LGALS1: variants seen among roughly 807,000 people sequenced by gnomAD.
The protein encoded by LGALS1 is galectin 1.
LGALS1 carries 14 observed loss-of-function variants against 14.4 expected under a neutral mutation model. The ratio of observed to expected loss-of-function variants is 0.97; its 90% confidence interval spans 0.64 to 1.52. LGALS1 has a LOEUF of 1.52. Ranked by LOEUF, LGALS1 falls within the 40% of genes most tolerant of loss-of-function variation. The probability of loss-of-function intolerance (pLI) is 0.00; values close to 1 mark genes in which losing one functional copy is unlikely to be tolerated. For missense variants in LGALS1, 170 were observed against 181.4 expected, an observed-to-expected ratio of 0.94 and a Z score of 0.36; for synonymous variants, 71 against 73.4, an observed-to-expected ratio of 0.97 and a Z score of 0.17.
rs1405149188 is a variant in LGALS1, at chr22:37,675,646, G to T, written c.-57G>T. On this transcript the variant is annotated 5_prime_UTR_variant, in exon 1 of 4. Coordinates refer to ENST00000215909, the MANE Select transcript of LGALS1 (RefSeq NM_002305.4). The stretch of plus-strand genomic sequence containing the variant: ...AGCGTCCGGGGGCCCATCTCTCTCG[G>T]GTGGAGTCTTCTGACAGCTGGTGCG... 6 of 1,544,926 alleles carry T rather than the reference G, an allele frequency of 3.9e-6. No individual in the cohort carries two copies. The highest frequency in any genetic ancestry group is 4.4e-6 in the Non-Finnish European group (5 of 1,144,086).
chr22:37,678,678 G>T, intron 3 of LGALS1, 24 bp downstream of exon 3: 2 of 480,392 alleles, frequency 4.2e-6, no homozygotes, highest in African/African-American at 2.1e-5. Flanking sequence ...CGGAACCGGG[G>T]ACCAGGGACA....
At chr22:37,677,363 G>T (rs1233619264) in intron 2 of LGALS1, 1 of 387,334 alleles carries the variant, frequency 2.6e-6, no homozygotes, top group Non-Finnish European at 4.8e-6. Context: ...GGGACCTGTC[G>T]CTGGGGAGGG....
chr22:37,679,744 G>T lies in LGALS1; in HGVS notation c.403G>T (p.Asp135Tyr). 1 of 1,592,038 alleles carries T rather than the reference G, an allele frequency of 6.3e-7. No individual in the cohort carries two copies. The highest frequency in any genetic ancestry group is 1.1e-5 in the South Asian group (1 of 88,118). ...CTTCAAGATCAAATGTGTGGCCTTTGACTGAAATCAGCCAGCCCATGGCCC... is the reference window on the plus strand; with the variant it reads ...CTTCAAGATCAAATGTGTGGCCTTTTACTGAAATCAGCCAGCCCATGGCCC... The part of the protein sequence containing the change: ...GDFKIKCVAF[D>Y] Residue 135 changes from aspartate (D) to tyrosine (Y), a missense_variant, in exon 4 of 4, where the codon GAC (aspartate) becomes TAC (tyrosine). Physicochemically the swap from Asp to Tyr is radical, Grantham distance 160 (BLOSUM62 -3). Coordinates refer to ENST00000215909, the MANE Select transcript of LGALS1 (RefSeq NM_002305.4).
chr22:37,676,827 T>C (rs1921443643), intron 1 of LGALS1, 159 bp from the exon 2 acceptor site: 1 of 759,964 alleles, frequency 1.3e-6, no homozygotes. Flanking sequence ...AATCGGAGGC[T>C]GGAAATTACA....
At position 37,676,739 on chromosome 22, in the gene LGALS1, C is replaced by T. The variant is rs558922578; in HGVS notation, c.10-247C>T. 6.8e-5 allele frequency: 39 copies of T among 569,480 alleles called. No individual in the cohort carries two copies. The East Asian group carries it at 1.2e-3, about 17-fold the overall frequency. 35.3% of individuals were successfully genotyped at this position (569,480 alleles called of 1,614,324 possible). ...AGCCAATCTGCAAAATCTTCTAGAGCCTGTCTTCTAGAACCTTCACGTTAC... is the reference window on the plus strand; with the variant it reads ...AGCCAATCTGCAAAATCTTCTAGAGTCTGTCTTCTAGAACCTTCACGTTAC... On this transcript the variant is annotated intron_variant, in intron 1 of 3. Transcript: ENST00000215909.
intron 1 of LGALS1, among the ~76,000 whole-genome samples, chr22:37,675,919 T>C (rs957930423): frequency 1.3e-5 from 2 of 152,224 alleles, no homozygotes; most frequent in Non-Finnish European, 2.9e-5. Context: ...GATAATTGTC[T>C]GGATTCCTCC....
intron 2 of LGALS1, 112 bp from the exon 3 acceptor site, chr22:37,678,371 G>A (rs1430439414): frequency 7.6e-6 from 9 of 1,182,904 alleles, no homozygotes; most frequent in Middle Eastern, 1.9e-4. Flanking sequence ...TCTTGTCTCT[G>A]TTAGTGAGTT....
At chr22:37,676,778 C>G in intron 1 of LGALS1, 1 of 646,228 alleles carries the variant, frequency 1.5e-6, no homozygotes, top group Non-Finnish European at 2.9e-6. Flanking sequence ...CTGAAGCCAA[C>G]CCCGGTGGGA....
chr22:37,675,661 C>T lies in LGALS1; in HGVS notation c.-42C>T, dbSNP rs374232144. On this transcript the variant is annotated 5_prime_UTR_variant, in exon 1 of 4. Transcript: ENST00000215909. Reference sequence around the variant, plus strand: ...ATCTCTCTCGGGTGGAGTCTTCTGACAGCTGGTGCGCCTGCCCGGGAACAT... The same window carrying T: ...ATCTCTCTCGGGTGGAGTCTTCTGATAGCTGGTGCGCCTGCCCGGGAACAT... The T allele has an allele frequency of 1.3e-6, 2 of 1,548,136 alleles. No individual in the cohort carries two copies. Among genetic ancestry groups the T allele is most frequent in the South Asian group, 2.4e-5 (2 of 83,702 alleles).
intron 1 of LGALS1, 104 bp downstream of exon 1, chr22:37,675,815 G>A (rs1921404672): frequency 9.1e-7 from 1 of 1,093,082 alleles, no homozygotes; most frequent in South Asian, 1.9e-5. Flanking sequence ...CAGCTGTGTG[G>A]CCTGGAACCA....
rs1347713885 is a variant in LGALS1 at position 37,677,871 on chromosome 22, G to A, written c.90-612G>A. ...GTGATCTCGGCTCACCACAACCTCC[G>A]CCTCCCGGGTTCAAACGATTCTCCG... On this transcript the variant is annotated intron_variant, in intron 2 of 3. Transcript: ENST00000215909. 5.3e-5 allele frequency among the ~76,000 whole-genome samples: 8 copies of A among 151,976 alleles called. No homozygotes were observed. In the South Asian group the frequency reaches 8.3e-4, roughly 16 times the overall value.
chr22:37,678,702 C>G (rs761681338), intron 3 of LGALS1, 48 bp downstream of exon 3: 17 of 241,510 alleles, frequency 7.0e-5, no homozygotes, highest in South Asian at 1.5e-4. Context: ...GCTGGGTGGG[C>G]TGGGGCGGGG....
chr22:37,678,302 G>T (rs759853745), intron 2 of LGALS1, 181 bp from the exon 3 acceptor site: 1 of 731,944 alleles, frequency 1.4e-6, no homozygotes, highest in Non-Finnish European at 2.5e-6. Flanking sequence ...TTGTACAGAT[G>T]AGCAAACAGG....
chr22:37,678,415 G>T, intron 2 of LGALS1, 68 bp from the exon 3 acceptor site: 2 of 1,554,788 alleles, frequency 1.3e-6, no homozygotes, highest in South Asian at 2.3e-5. Context: ...GATACTGAGT[G>T]ACAGATTAGT....
In LGALS1 at chr22:37,675,661, C is replaced by G. The variant is rs374232144; in HGVS notation, c.-42C>G. Reference sequence around the variant, plus strand: ...ATCTCTCTCGGGTGGAGTCTTCTGACAGCTGGTGCGCCTGCCCGGGAACAT... The same window carrying G: ...ATCTCTCTCGGGTGGAGTCTTCTGAGAGCTGGTGCGCCTGCCCGGGAACAT... On this transcript the variant is annotated 5_prime_UTR_variant, in exon 1 of 4. Transcript: ENST00000215909. The G allele has an allele frequency of 9.0e-6, 14 of 1,548,016 alleles. No homozygotes were observed. In the African/African-American group the frequency reaches 1.8e-4, roughly 20 times the overall value.
intron 3 of LGALS1, 43 bp downstream of exon 3, chr22:37,678,697 GT>G: frequency 6.9e-7 from 1 of 1,455,024 alleles, no homozygotes; most frequent in Non-Finnish European, 9.3e-7. Context: ...CAGGGGCTGG[GT>G]GGGCTGGGGC....
rs1921456149 is a variant in LGALS1, at chr22:37,677,084, G to A, written c.89+19G>A. ...CTAAGAGGTGAGAAGTGAAGTCGGG[G>A]TGGTGGGCGGCAGGGACGGGCTTGG... is the stretch of plus-strand genomic sequence containing the variant. On this transcript the variant is annotated intron_variant, in intron 2 of 3. Coordinates refer to ENST00000215909, the MANE Select transcript of LGALS1 (RefSeq NM_002305.4). 6.2e-7 allele frequency: 1 copy of A among 1,612,658 alleles called. No homozygotes were observed. The highest frequency in any genetic ancestry group is 1.3e-5 in the African/African-American group (1 of 75,024).
intron 1 of LGALS1, 22 bp downstream of exon 1, chr22:37,675,733 C>CT (rs1403269364): frequency 6.5e-7 from 1 of 1,537,438 alleles, no homozygotes; most frequent in Non-Finnish European, 8.8e-7. Flanking sequence ...GACCCCCCCC[C>CT]AAGGTCCAGG....
chr22:37,678,694 TGGGTGGGCTG>T, intron 3 of LGALS1, 40 bp downstream of exon 3: 1 of 136,624 alleles, frequency 7.3e-6, no homozygotes, highest in Non-Finnish European at 1.4e-5. Context: ...GGACAGGGGC[TGGGTGGGCTG>T]GGGCGGGGCT....
Sources: gnomAD v4.1 joint callset for allele counts (sites outside exome capture counted in the v4.1 genomes callset) on GRCh38, gnomAD v4.1.1 for gene constraint, MANE v1.5 for transcripts, NCBI Gene and HGNC (gene_info 2026-07-23, HGNC 2026-07-21) for gene names.